DTYMK: variants seen among roughly 807,000 people sequenced by gnomAD.
DTYMK encodes deoxythymidylate kinase.
In DTYMK, 20 loss-of-function variants were observed where a neutral mutation model predicts 20.3. The ratio of observed to expected loss-of-function variants is 0.99; its 90% confidence interval spans 0.69 to 1.43. The LOEUF (loss-of-function observed/expected upper bound fraction) is 1.43. DTYMK is among the 40% of genes most tolerant of loss of function. The pLI, the probability that DTYMK is intolerant of heterozygous loss-of-function variation, is 0.00. For missense variants in DTYMK, 320 were observed against 291.1 expected (o/e 1.10, Z -0.72); for synonymous variants, 148 against 124.4 (o/e 1.19, Z -1.27).
intron 2 of DTYMK, 68 bp downstream of exon 2, chr2:241,685,701 G>T: frequency 6.8e-7 from 1 of 1,474,146 alleles, no homozygotes; most frequent in Non-Finnish European, 9.5e-7. Context: ...ATCGAGTGCT[G>T]CGTTCACTGA....
intron 3 of DTYMK, among the ~76,000 whole-genome samples, chr2:241,679,971 CA>C (rs766555100): frequency 1.3e-3 from 131 of 101,956 alleles, no homozygotes; most frequent in Middle Eastern, 5.9e-3. Flanking sequence ...ACTGTCTCCC[CA>C]AAAAAAAAAA....
At chr2:241,680,129 C>T in intron 3 of DTYMK, 100 bp downstream of exon 3, 1 of 1,127,108 alleles carries the variant, frequency 8.9e-7, no homozygotes, top group Admixed American at 2.1e-5. Context: ...TCACGAAACT[C>T]TGCAGAGTAA....
chr2:241,677,136 G>A (rs999284397), intron 4 of DTYMK, among the ~76,000 whole-genome samples: 1 of 152,246 alleles, frequency 6.6e-6, no homozygotes, highest in African/African-American at 2.4e-5. Context: ...GGTGGCACCG[G>A]ACCCTTCTCA....
At chr2:241,681,133 AGACACGGGGCCT>A (rs754178150) in intron 2 of DTYMK, among the ~76,000 whole-genome samples, 19 of 152,232 alleles carry the variant, frequency 1.2e-4, no homozygotes, top group Non-Finnish European at 2.6e-4. Flanking sequence ...AGATGTACAA[AGACACGGGGCCT>A]GACACTAGTG....
chr2:241,680,375 A>G, intron 2 of DTYMK, 56 bp from the exon 3 acceptor site: 1 of 1,593,312 alleles, frequency 6.3e-7, no homozygotes, highest in Non-Finnish European at 8.6e-7. Context: ...TTGAACTGTC[A>G]AGCTTAAATT....
At chr2:241,681,359 T>C (rs2069253056) in intron 2 of DTYMK, among the ~76,000 whole-genome samples, 1 of 152,170 alleles carries the variant, frequency 6.6e-6, no homozygotes, top group African/African-American at 2.4e-5. Flanking sequence ...AGAATAAATC[T>C]AGACCAGACC....
chr2:241,683,434 T>A (rs2069311474), intron 2 of DTYMK, among the ~76,000 whole-genome samples: 1 of 145,342 alleles, frequency 6.9e-6, no homozygotes, highest in East Asian at 2.0e-4. Context: ...CGTTACGAGA[T>A]TTTTTTTTTT....
intron 2 of DTYMK, among the ~76,000 whole-genome samples, chr2:241,684,309 T>A (rs1313771748): frequency 6.6e-6 from 1 of 152,188 alleles, no homozygotes; most frequent in Non-Finnish European, 1.5e-5. Flanking sequence ...AGAAGAACAA[T>A]TGCCTCCATA....
Position 241,686,776 on chromosome 2 carries a change from G to A in DTYMK, c.8C>T (p.Ala3Val), listed in dbSNP as rs1357994659. 2 of 1,455,834 alleles carry A rather than the reference G, an allele frequency of 1.4e-6. No homozygotes were observed. The highest frequency in any genetic ancestry group is 1.5e-5 in the South Asian group (1 of 68,496). The allele number at this position is 1,455,834 out of a possible 1,614,324, so 90.2% of individuals were successfully genotyped here. The part of the protein sequence containing the change: MA[A>V]RRGALIVLEG... ...CAGCACTATGAGAGCCCCGCGCCGGGCCGCCATGACTGTCCACCGCCCGCC... is the reference window on the plus strand; with the variant it reads ...CAGCACTATGAGAGCCCCGCGCCGGACCGCCATGACTGTCCACCGCCCGCC... The change falls in exon 1 of 5, where the codon GCC becomes GTC. Residue 3 changes from alanine to valine, a missense_variant. Coordinates refer to ENST00000305784, the MANE Select transcript of DTYMK (RefSeq NM_012145.4).
intron 3 of DTYMK, among the ~76,000 whole-genome samples, chr2:241,678,994 G>C (rs2069181287): frequency 6.6e-6 from 1 of 152,168 alleles, no homozygotes; most frequent in Admixed American, 6.5e-5. Context: ...GAGACCCCCG[G>C]CCTAGAACGC....
rs757368570 is a variant in DTYMK, at chr2:241,686,618, G to C, written c.130+36C>G. ...GAGCCCCTGGGAAGGCAGAGGCACC[G>C]AAGGCCGCGGCGCACCCCCCGCCGC... On this transcript the variant is annotated intron_variant, in intron 1 of 4. Coordinates refer to ENST00000305784, the MANE Select transcript of DTYMK (RefSeq NM_012145.4). The C allele has an allele frequency of 4.1e-6, 6 of 1,472,876 alleles. No homozygotes were observed. In the South Asian group the frequency reaches 8.1e-5, roughly 20 times the overall value. The allele number at this position is 1,472,876 out of a possible 1,614,324, so 91.2% of individuals were successfully genotyped here. A position where few individuals can be genotyped will look rare whatever the true frequency, so the allele number is the denominator to read the frequency against.
rs1316002266 is a variant in DTYMK at position 241,678,389 on chromosome 2, C to A, written c.528+63G>T. 7 of 1,601,288 alleles carry A rather than the reference C, an allele frequency of 4.4e-6. No individual in the cohort carries two copies. The African/African-American group carries it at 9.4e-5, about 21-fold the overall frequency. ...GCTTTGCTGACACAACTGTGCCAGC[C>A]ACCACGGTGTCATCCTGAGCCACTT... On this transcript the variant is annotated intron_variant, in intron 4 of 4. Coordinates refer to ENST00000305784, the MANE Select transcript of DTYMK (RefSeq NM_012145.4).
intron 4 of DTYMK, among the ~76,000 whole-genome samples, chr2:241,676,706 G>A (rs376309814): frequency 2.0e-5 from 3 of 152,234 alleles, no homozygotes; most frequent in African/African-American, 2.4e-5. Flanking sequence ...CCTCAGCCTC[G>A]TGACCCCAAC....
Position 241,686,694 on chromosome 2 carries a change from C to T in DTYMK, c.90G>A (p.Leu30=). The T allele has an allele frequency of 6.5e-7, 1 of 1,537,582 alleles. No individual in the cohort carries two copies. Among genetic ancestry groups the T allele is most frequent in the Non-Finnish European group, 8.7e-7 (1 of 1,153,838 alleles). Residue 30 remains leucine (L), a synonymous_variant, in exon 1 of 5, where the codon CTG becomes CTA. Coordinates refer to ENST00000305784, the MANE Select transcript of DTYMK (RefSeq NM_012145.4). ...GTTCGGCGCGGTGGCCCGCGGCGCA[C>T]AGCGCTTCCACCAGCTTGCGGCTCT... ...STQSRKLVEA[L]CAAGHRAELL... is the part of the protein sequence containing the mutation.
At chr2:241,678,779 T>C (rs911379745) in intron 3 of DTYMK, 130 bp from the exon 4 acceptor site, 139 of 1,077,188 alleles carry the variant, frequency 1.3e-4, no homozygotes, top group Non-Finnish European at 1.7e-4. Flanking sequence ...ATATTGTGGC[T>C]CGTTTAATTT....
In DTYMK at chr2:241,676,007, C is replaced by A. The variant is rs1234536824; in HGVS notation, c.*120G>T. ...AGAAGAGGCAGCCTGCAGATCTCTGCTGCCGGGAAAGAGCTCCTGAAGTTG... is the reference window on the plus strand; with the variant it reads ...AGAAGAGGCAGCCTGCAGATCTCTGATGCCGGGAAAGAGCTCCTGAAGTTG... On this transcript the variant is annotated 3_prime_UTR_variant, in exon 5 of 5. Transcript: ENST00000305784. 3.0e-6 allele frequency: 3 copies of A among 992,320 alleles called. No homozygotes were observed. The highest frequency in any genetic ancestry group is 4.3e-6 in the Non-Finnish European group (3 of 702,174). 61.5% of individuals were successfully genotyped at this position (992,320 alleles called of 1,614,324 possible).
At chr2:241,684,569 G>C in intron 2 of DTYMK, 2 of 365,604 alleles carry the variant, frequency 5.5e-6, no homozygotes. Context: ...GGATCTGTAA[G>C]TGCAGAAATC....
intron 4 of DTYMK, among the ~76,000 whole-genome samples, chr2:241,677,665 G>C (rs539178554): frequency 5.3e-5 from 8 of 152,376 alleles, no homozygotes; most frequent in African/African-American, 1.9e-4. Flanking sequence ...GAGGAGCAGA[G>C]GCGGCCAGCC....
In DTYMK at chr2:241,686,681, GGCCCGC is replaced by G; in HGVS notation, c.97_102del (p.Ala33_Gly34del). The G allele has an allele frequency of 6.5e-7, 1 of 1,530,462 alleles. No individual in the cohort carries two copies. The allele number at this position is 1,530,462 out of a possible 1,614,324, so 94.8% of individuals were successfully genotyped here. A position where few individuals can be genotyped will look rare whatever the true frequency, so the allele number is the denominator to read the frequency against. ...GGGAACCGGAGCAGTTCGGCGCGGT[GGCCCGC>G]GGCGCACAGCGCTTCCACCAGCTTG... is the stretch of plus-strand genomic sequence containing the variant. On this transcript the variant is annotated inframe_deletion, in exon 1 of 5. Transcript: ENST00000305784.
Sources: gnomAD v4.1 joint callset for allele counts (sites outside exome capture counted in the v4.1 genomes callset) on GRCh38, gnomAD v4.1.1 for gene constraint, MANE v1.5 for transcripts, NCBI Gene and HGNC (gene_info 2026-07-23, HGNC 2026-07-21) for gene names.